Variants in NCSTN observed in about 807,000 individuals in gnomAD.
The protein encoded by NCSTN is anterior pharynx-defective 2.
A neutral mutation model predicts 87.0 loss-of-function variants in NCSTN; 22 were observed. The observed-to-expected ratio is 0.25, with a 90% CI of 0.18 to 0.36. The LOEUF (loss-of-function observed/expected upper bound fraction) is 0.36. Ranked by LOEUF, NCSTN falls within the 10% of genes least tolerant of loss-of-function variation. The probability of loss-of-function intolerance (pLI) is 1.00; values close to 1 mark genes in which losing one functional copy is unlikely to be tolerated. For synonymous variants in NCSTN, 306 were observed against 327.1 expected (o/e 0.94, Z 0.69); for missense variants, 693 against 883.3 (o/e 0.78, Z 2.73).
chr1:160,344,661 A>G (rs1308267540), intron 1 of NCSTN, 61 bp from the exon 2 acceptor site: 2 of 1,600,374 alleles, frequency 1.2e-6, no homozygotes, highest in Admixed American at 3.4e-5. Flanking sequence ...GGTTAATGAC[A>G]CGATAGAAGC....
At position 160,356,607 on chromosome 1, in the gene NCSTN, G is replaced by A. The variant is rs374900399; in HGVS notation, c.1647G>A (p.Gly549=). 4 of 1,614,120 alleles carry A rather than the reference G, an allele frequency of 2.5e-6. No homozygotes were observed. Among genetic ancestry groups the A allele is most frequent in the Non-Finnish European group, 3.4e-6 (4 of 1,180,030 alleles). The change falls in exon 15 of 17, where the codon GGG becomes GGA. Residue 549 remains glycine (G), a synonymous_variant. Coordinates refer to ENST00000294785, the MANE Select transcript of NCSTN (RefSeq NM_015331.3). The part of the protein sequence containing the change: ...RQDLRSYLGD[G]PLQHYIAVSS... ...CCTTTGGTCTGCACTCAGGTGACGG[G>A]CCTCTTCAACATTACATCGCTGTCT...
chr1:160,350,840 T>C (rs1452023607), intron 5 of NCSTN, among the ~76,000 whole-genome samples: 2 of 152,280 alleles, frequency 1.3e-5, no homozygotes, highest in Non-Finnish European at 2.9e-5. Context: ...GTTAAGAGAT[T>C]TGTCCAAAGT....
At position 160,349,592 on chromosome 1, in the gene NCSTN, G is replaced by C; in HGVS notation, c.358G>C (p.Gly120Arg). Reference sequence around the variant, plus strand: ...GAAAGGGAGAACCAGCCGAATTGCTGGTCTTGCAGTGTCCTTGACCAAGCC... The same window carrying C: ...GAAAGGGAGAACCAGCCGAATTGCTCGTCTTGCAGTGTCCTTGACCAAGCC... ...KLKGRTSRIA[G>R]LAVSLTKPSP... The change falls in exon 4 of 17, where the codon GGT becomes CGT. Residue 120 changes from glycine (G) to arginine (R), a missense_variant. Physicochemically the swap from Gly to Arg is moderately radical, Grantham distance 125. Coordinates refer to ENST00000294785, the MANE Select transcript of NCSTN (RefSeq NM_015331.3). 1 of 1,614,136 alleles carries C rather than the reference G, an allele frequency of 6.2e-7. No homozygotes were observed. Among genetic ancestry groups the C allele is most frequent in the Non-Finnish European group, 8.5e-7 (1 of 1,180,000 alleles).
Position 160,355,532 on chromosome 1 carries a change from C to G in NCSTN, c.1353-123C>G, listed in dbSNP as rs543327224. The G allele has an allele frequency of 5.2e-5, 40 of 768,238 alleles. No homozygotes were observed. The African/African-American group carries it at 6.8e-4, about 13-fold the overall frequency. The allele number at this position is 768,238 out of a possible 1,614,324, so 47.6% of individuals were successfully genotyped here. On this transcript the variant is annotated intron_variant, in intron 11 of 16. Coordinates refer to ENST00000294785, the MANE Select transcript of NCSTN (RefSeq NM_015331.3). ...CTGCAATATGGGATCCTGATTGTCT[C>G]TCACCCCTTTCTTCTGATGCTGAAA...
chr1:160,353,247 G>T lies in NCSTN; in HGVS notation c.1179+10G>T. ...GTCTGTACGGAACCAGGTAACCTGA[G>T]CATCTCCCCTCATTTCCTATTCCTA... On this transcript the variant is annotated intron_variant, in intron 10 of 16. Transcript: ENST00000294785. 1 of 1,614,078 alleles carries T rather than the reference G, an allele frequency of 6.2e-7. No individual in the cohort carries two copies.
chr1:160,356,503 C>G, intron 14 of NCSTN, 97 bp from the exon 15 acceptor site: 1 of 1,517,092 alleles, frequency 6.6e-7, no homozygotes, highest in Non-Finnish European at 9.1e-7. Flanking sequence ...GATCCTTTTC[C>G]ATTGCCCTTC....
At chr1:160,356,238 C>T in intron 13 of NCSTN, 22 bp from the exon 14 acceptor site, 1 of 1,574,704 alleles carries the variant, frequency 6.4e-7, no homozygotes. Context: ...AGGGTTTTCT[C>T]TCTTTACTGT....
chr1:160,352,749 CAT>C, intron 8 of NCSTN, 136 bp from the exon 9 acceptor site: 1 of 736,422 alleles, frequency 1.4e-6, no homozygotes, highest in East Asian at 2.7e-5. Flanking sequence ...CCGAAAGTCA[CAT>C]GACTGTAAGC....
rs376909952 is a variant in NCSTN at position 160,353,156 on chromosome 1, C to T, written c.1102-4C>T. 3.1e-6 allele frequency: 5 copies of T among 1,614,060 alleles called. No homozygotes were observed. In the South Asian group the frequency reaches 4.4e-5, roughly 14 times the overall value. Reference sequence around the variant, plus strand: ...TAAGTGTTGTTTCTTCATCCTCCCCCCAGGTGGCCTTAAGAACTTCATTAG... The same window carrying T: ...TAAGTGTTGTTTCTTCATCCTCCCCTCAGGTGGCCTTAAGAACTTCATTAG... On this transcript the variant is annotated splice_region_variant and splice_polypyrimidine_tract_variant and intron_variant, in intron 9 of 16. Transcript: ENST00000294785.
Position 160,343,410 on chromosome 1 carries a change from G to A in NCSTN, c.14G>A (p.Gly5Glu), listed in dbSNP as rs528352370. Residue 5 changes from glycine to glutamate, a missense_variant, in exon 1 of 17, where the codon GGG becomes GAG. Physicochemically the swap from Gly to Glu is moderately conservative, Grantham distance 98. This residue lies in a region of NCSTN where 235 missense variants were observed against 233.9 expected (regional missense o/e 1.00). Coordinates refer to ENST00000294785, the MANE Select transcript of NCSTN (RefSeq NM_015331.3). ...CAGAGAGGCAAGATGGCTACGGCAG[G>A]GGGTGGCTCTGGGGCTGACCCGGGA... MATA[G>E]GGSGADPGSR... 13 of 1,612,916 alleles carry A rather than the reference G, an allele frequency of 8.1e-6. No individual in the cohort carries two copies. The highest frequency in any genetic ancestry group is 1.1e-5 in the Non-Finnish European group (13 of 1,179,770).
At chr1:160,345,748 G>C (rs897295925) in intron 2 of NCSTN, among the ~76,000 whole-genome samples, 6 of 151,138 alleles carry the variant, frequency 4.0e-5, no homozygotes, top group Non-Finnish European at 8.9e-5. Flanking sequence ...CAATCTGCCA[G>C]CATGGTGAAA....
At chr1:160,351,466 G>T in intron 6 of NCSTN, 94 bp downstream of exon 6, 1 of 1,462,906 alleles carries the variant, frequency 6.8e-7, no homozygotes, top group East Asian at 2.3e-5. Flanking sequence ...TAATAGGGAA[G>T]GAGTAGACAC....
intron 16 of NCSTN, among the ~76,000 whole-genome samples, chr1:160,357,938 A>G (rs1649217402): frequency 6.6e-6 from 1 of 152,236 alleles, no homozygotes; most frequent in Non-Finnish European, 1.5e-5. Flanking sequence ...GTAATACAAG[A>G]TGGAAGCAAG....
At chr1:160,345,252 G>A in intron 2 of NCSTN, 1 of 276,064 alleles carries the variant, frequency 3.6e-6, no homozygotes, top group South Asian at 3.5e-5. Context: ...GAGTGCAATG[G>A]CACGATCTCG....
At chr1:160,344,491 C>T (rs1032473104) in intron 1 of NCSTN, 55 of 1,537,558 alleles carry the variant, frequency 3.6e-5, no homozygotes, top group African/African-American at 6.9e-5. Flanking sequence ...CTGTCAATGG[C>T]GCTACATGGA....
chr1:160,357,109 G>A lies in NCSTN; in HGVS notation c.1863G>A (p.Val621=). The A allele has an allele frequency of 1.2e-6, 2 of 1,614,134 alleles. No individual in the cohort carries two copies. The highest frequency in any genetic ancestry group is 1.7e-6 in the Non-Finnish European group (2 of 1,180,034). The change falls in exon 16 of 17, where the codon GTG becomes GTA. Residue 621 remains valine (V), a synonymous_variant. Transcript: ENST00000294785. ...SNETDRLPRC[V]RSTARLARAL... is the part of the protein sequence containing the mutation. ...AGACGGACCGACTCCCCCGGTGTGT[G>A]CGTTCTACTGCACGATTAGCCAGGG...
At chr1:160,345,415 A>G (rs1272239261) in intron 2 of NCSTN, among the ~76,000 whole-genome samples, 2 of 151,236 alleles carry the variant, frequency 1.3e-5, no homozygotes, top group Non-Finnish European at 1.5e-5. Flanking sequence ...CTGGTCTCGA[A>G]CTCTTGACCT....
chr1:160,348,143 C>T (rs1372915333), intron 2 of NCSTN, among the ~76,000 whole-genome samples: 1 of 152,090 alleles, frequency 6.6e-6, no homozygotes, highest in Admixed American at 6.5e-5. Flanking sequence ...CAGGGAGACC[C>T]TAGGATATCT....
At chr1:160,344,650 A>G (rs746718913) in intron 1 of NCSTN, 72 bp from the exon 2 acceptor site, 11 of 1,593,494 alleles carry the variant, frequency 6.9e-6, no homozygotes, top group Non-Finnish European at 8.6e-6. Flanking sequence ...GCCATACTTC[A>G]GGTTAATGAC....
Sources: gnomAD v4.1 joint callset for allele counts (sites outside exome capture counted in the v4.1 genomes callset) on GRCh38, gnomAD v4.1.1 for gene constraint, gnomAD v4.1.1 regional missense constraint, MANE v1.5 for transcripts, NCBI Gene and HGNC (gene_info 2026-07-23, HGNC 2026-07-21) for gene names.